PAX7: variants seen among roughly 807,000 people sequenced by gnomAD.
The protein encoded by PAX7 is paired box 7.
A neutral mutation model predicts 50.7 loss-of-function variants in PAX7; 18 were observed. The ratio of observed to expected loss-of-function variants is 0.36; its 90% CI spans 0.25 to 0.53. The LOEUF (loss-of-function observed/expected upper bound fraction) is 0.53. Among genes scored for constraint, PAX7 ranks in the 20% least tolerant of loss-of-function variants. The pLI, the probability that PAX7 is intolerant of heterozygous loss-of-function variation, is 0.93. For synonymous variants in PAX7, 310 were observed against 290.4 expected, an observed-to-expected ratio of 1.07 and a Z score of -0.69; for missense variants, 644 against 702.9, an observed-to-expected ratio of 0.92 and a Z score of 0.95.
intron 8 of PAX7, among the ~76,000 whole-genome samples, chr1:18,739,018 G>A (rs1930973537): frequency 6.6e-6 from 1 of 152,230 alleles, no homozygotes. Context: ...GTGTGCAAGA[G>A]TCCCATGTCC....
Position 18,630,883 on chromosome 1 carries a change from C to A in PAX7, c.-721C>A, listed in dbSNP as rs1406466462. 5.3e-6 allele frequency: 1 copy of A among 188,458 alleles called. No homozygotes were observed. The highest frequency in any genetic ancestry group is 2.3e-5 in the African/African-American group (1 of 42,726). 11.7% of individuals were successfully genotyped at this position (188,458 alleles called of 1,614,324 possible). On this transcript the variant is annotated 5_prime_UTR_variant, in exon 1 of 9. Coordinates refer to ENST00000420770, the MANE Select transcript of PAX7 (RefSeq NM_001135254.2). ...CAACTTACCCAGCTGATCACTCGCG[C>A]CCCCTCGCTTTTCCATTTCTCTTTC...
intron 4 of PAX7, among the ~76,000 whole-genome samples, chr1:18,646,950 C>T (rs1312867264): frequency 1.8e-5 from 2 of 109,884 alleles, no homozygotes; most frequent in Non-Finnish European, 3.6e-5. Flanking sequence ...AAGTCAAGAG[C>T]GGGCACGCTG....
intron 4 of PAX7, among the ~76,000 whole-genome samples, chr1:18,672,902 C>T (rs1244908144): frequency 6.6e-6 from 1 of 152,072 alleles, no homozygotes; most frequent in East Asian, 1.9e-4. Flanking sequence ...CTGCATCTGG[C>T]CAGAGCACTG....
intron 5 of PAX7, among the ~76,000 whole-genome samples, chr1:18,694,780 A>G (rs371282336): frequency 4.8e-4 from 73 of 152,282 alleles, no homozygotes; most frequent in African/African-American, 1.6e-3. Context: ...ACAATTACTA[A>G]GACCCTTACA....
intron 7 of PAX7, among the ~76,000 whole-genome samples, chr1:18,721,691 GT>G (rs2089497028): frequency 6.6e-6 from 1 of 152,234 alleles, no homozygotes; most frequent in African/African-American, 2.4e-5. Context: ...ACTCATGGTG[GT>G]GGATGTGGGG....
chr1:18,688,693 G>A (rs1242346642), intron 4 of PAX7, among the ~76,000 whole-genome samples: 1 of 152,118 alleles, frequency 6.6e-6, no homozygotes, highest in Non-Finnish European at 1.5e-5. Flanking sequence ...CTGAGGTCAG[G>A]AGTTCAAGAC....
chr1:18,679,278 C>G (rs963548280), intron 4 of PAX7, among the ~76,000 whole-genome samples: 2 of 152,186 alleles, frequency 1.3e-5, no homozygotes, highest in Non-Finnish European at 2.9e-5. Flanking sequence ...ATCTCCACCT[C>G]CAAACAACTT....
rs568607602 is a variant in PAX7 at position 18,662,552 on chromosome 1, TTTTG to T, written c.586+26197_586+26200del. Among the ~76,000 whole-genome samples, 248 of 151,194 alleles carry T rather than the reference TTTTG, an allele frequency of 1.6e-3. 1 individual carries two copies. Among genetic ancestry groups the T allele is most frequent in the South Asian group, 9.8e-3 (47 of 4,792 alleles). On this transcript the variant is annotated intron_variant, in intron 4 of 8. Transcript: ENST00000420770. ...CAAAAACATTGTATTAGTTCTAGTT[TTTTG>T]TTTGTTTGTTTGTTTTGTTTTGTTT...
At chr1:18,643,652 G>A (rs1368870314) in intron 4 of PAX7, among the ~76,000 whole-genome samples, 1 of 152,200 alleles carries the variant, frequency 6.6e-6, no homozygotes, top group East Asian at 1.9e-4. Flanking sequence ...CCGGGCAGCG[G>A]CTAGGGGAAG....
At position 18,677,650 on chromosome 1, in the gene PAX7, GA is replaced by G. The variant is rs566762200; in HGVS notation, c.587-14100del. On this transcript the variant is annotated intron_variant, in intron 4 of 8. Transcript: ENST00000420770. ...GGAAGCATAGAAATAACTCTGGAGG[GA>G]AAAGAAACTGGCACAGAGTCCTGGG... 4.1e-3 allele frequency among the ~76,000 whole-genome samples: 618 copies of G among 152,280 alleles called. 3 individuals carry two copies. Among genetic ancestry groups the G allele is most frequent in the African/African-American group, 0.014 (595 of 41,544 alleles).
chr1:18,686,665 G>C (rs1291585435), intron 4 of PAX7, among the ~76,000 whole-genome samples: 2 of 152,062 alleles, frequency 1.3e-5, no homozygotes, highest in Non-Finnish European at 2.9e-5. Flanking sequence ...GGTGGGGAGA[G>C]AGAAGGGCAC....
At chr1:18,706,909 T>C (rs34550650) in intron 7 of PAX7, among the ~76,000 whole-genome samples, 4 of 151,732 alleles carry the variant, frequency 2.6e-5, no homozygotes, top group African/African-American at 7.3e-5. Flanking sequence ...GCTACTACCG[T>C]GGGGAAGACA....
At position 18,632,689 on chromosome 1, in the gene PAX7, C is replaced by A. The variant is rs1286536066; in HGVS notation, c.85+1001C>A. On this transcript the variant is annotated intron_variant, in intron 1 of 8. Transcript: ENST00000420770. The surrounding 1 kb of genome is among the most constrained non-coding windows in gnomAD (Gnocchi z 6.3). Reference sequence around the variant, plus strand: ...TTCCTGTGATCGTTTGAGTCCCTGGCGCGTGAGGAAGGGGAGAGGAGGCAG... The same window carrying A: ...TTCCTGTGATCGTTTGAGTCCCTGGAGCGTGAGGAAGGGGAGAGGAGGCAG... Among the ~76,000 whole-genome samples the A allele has an allele frequency of 1.8e-5, 2 of 109,098 alleles. No individual in the cohort carries two copies. The highest frequency in any genetic ancestry group is 3.6e-5 in the Non-Finnish European group (2 of 55,734). The allele number at this position is 109,098 out of a possible 152,430, so 71.6% of individuals were successfully genotyped here.
intron 7 of PAX7, among the ~76,000 whole-genome samples, chr1:18,719,215 C>T (rs2089464845): frequency 6.6e-6 from 1 of 152,228 alleles, no homozygotes; most frequent in African/African-American, 2.4e-5. Context: ...CATGCTTCTG[C>T]TCCCAGTGGC....
intron 8 of PAX7, among the ~76,000 whole-genome samples, chr1:18,737,801 C>T (rs970654004): frequency 6.6e-6 from 1 of 152,138 alleles, no homozygotes; most frequent in Non-Finnish European, 1.5e-5. Context: ...TATGGTTGAG[C>T]GTGTCTTTAT....
At chr1:18,694,550 G>A (rs912844842) in intron 5 of PAX7, among the ~76,000 whole-genome samples, 16 of 150,976 alleles carry the variant, frequency 1.1e-4, no homozygotes, top group African/African-American at 3.7e-4. Context: ...CTGGAGAAGT[G>A]GAGACTTGAA....
intron 5 of PAX7, among the ~76,000 whole-genome samples, chr1:18,695,144 A>G (rs550469021): frequency 6.6e-6 from 1 of 151,912 alleles, no homozygotes; most frequent in South Asian, 2.1e-4. Flanking sequence ...CCCTCCACCC[A>G]TCTCTCACAG....
At chr1:18,704,147 G>A (rs867053111) in intron 7 of PAX7, among the ~76,000 whole-genome samples, 15 of 152,180 alleles carry the variant, frequency 9.9e-5, no homozygotes, top group Middle Eastern at 3.2e-3. Flanking sequence ...ATTAATATGG[G>A]AAACCCATTA....
chr1:18,640,558 C>T (rs1160829879), intron 4 of PAX7, among the ~76,000 whole-genome samples: 1 of 151,982 alleles, frequency 6.6e-6, no homozygotes, highest in Admixed American at 6.5e-5. Flanking sequence ...AAACAATCTG[C>T]ATTGATTTAA....
Sources: allele counts gnomAD v4.1 joint callset (sites outside exome capture counted in the v4.1 genomes callset), GRCh38; gene constraint gnomAD v4.1.1; non-coding constraint Gnocchi (gnomAD v3.1); transcripts MANE v1.5; gene names NCBI Gene and HGNC (gene_info 2026-07-23, HGNC 2026-07-21).